The following PCDH15 variants were observed in gnomAD, a reference collection of about 807,000 sequenced individuals.
PCDH15 encodes the protein protocadherin-15.
PCDH15 carries 129 observed loss-of-function variants against 178.5 expected under a neutral mutation model. That is an observed-to-expected ratio of 0.72 (90% CI 0.63 to 0.84). The LOEUF is 0.84. PCDH15 is among the 40% of genes least tolerant of loss of function. The pLI is 0.00. For missense variants in PCDH15, 2,230 were observed against 2,099.9 expected (o/e 1.06, Z -1.21); for synonymous variants, 800 against 732.0 (o/e 1.09, Z -1.50).
At chr10:54,182,015 T>A (rs1248910443) in intron 13 of PCDH15, among the ~76,000 whole-genome samples, 1 of 151,204 alleles carries the variant, frequency 6.6e-6, no homozygotes, top group African/African-American at 2.4e-5. Context: ...TGGAGTGCAG[T>A]GGCGCCATCT....
intron 3 of PCDH15, among the ~76,000 whole-genome samples, chr10:54,807,495 G>T (rs1396487885): frequency 6.6e-6 from 1 of 151,658 alleles, no homozygotes; most frequent in African/African-American, 2.4e-5. Context: ...ACTATACATT[G>T]TACTTTTTGT....
chr10:54,221,236 A>T (rs114964861), intron 9 of PCDH15, among the ~76,000 whole-genome samples: 2,650 of 152,246 alleles, frequency 0.017, 57 homozygotes, highest in African/African-American at 0.055. Flanking sequence ...CATTTATTTT[A>T]ATTTTTATAT....
rs566062121 is a variant in PCDH15 at position 54,220,723 on chromosome 10, G to A, written c.986-6675C>T. ...GCCTGTAGTCCTAGCTACTCCGGAG[G>A]CTGACGCAGGAGAATGGAGTGAACC... On this transcript the variant is annotated intron_variant, in intron 9 of 37. Transcript: ENST00000644397. Among the ~76,000 whole-genome samples, 5 of 152,058 alleles carry A rather than the reference G, an allele frequency of 3.3e-5. No homozygotes were observed. In the South Asian group the frequency reaches 8.3e-4, roughly 25 times the overall value.
chr10:55,568,085 T>C (rs1471207410), intron 2 of PCDH15, among the ~76,000 whole-genome samples: 2 of 151,996 alleles, frequency 1.3e-5, no homozygotes, highest in African/African-American at 4.8e-5. Flanking sequence ...ACCCAATAGT[T>C]TCTTAAATAT....
At chr10:54,893,423 T>C (rs1954497528) in intron 3 of PCDH15, among the ~76,000 whole-genome samples, 1 of 152,084 alleles carries the variant, frequency 6.6e-6, no homozygotes, top group Admixed American at 6.6e-5. Flanking sequence ...ATATATTTAA[T>C]CTGTAAATTA....
At chr10:55,288,916 G>C (rs1295875122) in intron 1 of PCDH15, among the ~76,000 whole-genome samples, 1 of 150,530 alleles carries the variant, frequency 6.6e-6, no homozygotes, top group African/African-American at 2.5e-5. Flanking sequence ...GGATTATACA[G>C]TAATTCTATT....
In PCDH15 at chr10:55,590,324, AG is replaced by A. The variant is rs1228625190; in HGVS notation, c.-156+37300del. ...TCTGGGGACTGTTGTGGGGTGGGGGAGGGGGGAGGGATAGCATTAGGAGATA... is the reference window on the plus strand; with the variant it reads ...TCTGGGGACTGTTGTGGGGTGGGGGAGGGGGAGGGATAGCATTAGGAGATA... On this transcript the variant is annotated intron_variant, in intron 2 of 5. Transcript: ENST00000613346. 1.4e-3 allele frequency among the ~76,000 whole-genome samples: 74 copies of A among 51,930 alleles called. 2 individuals are homozygous for A. In the East Asian group the frequency reaches 0.041, roughly 29 times the overall value. 34.1% of individuals were successfully genotyped at this position (51,930 alleles called of 152,430 possible).
intron 2 of PCDH15, among the ~76,000 whole-genome samples, chr10:54,585,863 G>C (rs553014064): frequency 6.6e-6 from 1 of 152,214 alleles, no homozygotes; most frequent in African/African-American, 2.4e-5. Flanking sequence ...CCTTTCCTGT[G>C]GGTAGGGCAC....
chr10:55,554,545 C>T (rs1189384122), intron 2 of PCDH15, among the ~76,000 whole-genome samples: 1 of 151,984 alleles, frequency 6.6e-6, no homozygotes, highest in Non-Finnish European at 1.5e-5. Flanking sequence ...AGGGTCACTC[C>T]TATGAAGACA....
At chr10:55,283,609 C>T (rs545014464) in intron 1 of PCDH15, among the ~76,000 whole-genome samples, 1 of 151,294 alleles carries the variant, frequency 6.6e-6, no homozygotes, top group African/African-American at 2.4e-5. Flanking sequence ...TTCCTCCATT[C>T]TTGCCCACCT....
chr10:55,458,191 T>G lies in PCDH15; in HGVS notation c.-156+169434A>C, dbSNP rs556966771. ...CTTTTAAACATATAAGATAAACTTT[T>G]AAATGGTTTGATTACAAACTCTAAA... On this transcript the variant is annotated intron_variant, in intron 2 of 5. Coordinates refer to the PCDH15 transcript ENST00000613346. Among the ~76,000 whole-genome samples the G allele has an allele frequency of 2.4e-4, 37 of 152,186 alleles. No homozygotes were observed. The South Asian group carries it at 7.0e-3, about 29-fold the overall frequency.
At chr10:54,189,267 T>C (rs2048749797) in intron 11 of PCDH15, 1 of 878,912 alleles carries the variant, frequency 1.1e-6, no homozygotes, top group Non-Finnish European at 1.8e-6. Flanking sequence ...GATAATGAAG[T>C]AATACCTACG....
At chr10:54,354,149 C>T (rs1291308051) in intron 5 of PCDH15, among the ~76,000 whole-genome samples, 1 of 152,090 alleles carries the variant, frequency 6.6e-6, no homozygotes, top group Non-Finnish European at 1.5e-5. Context: ...CCACGCCTGG[C>T]TAATTTTGTG....
intron 2 of PCDH15, among the ~76,000 whole-genome samples, chr10:55,501,588 TAA>T (rs999897431): frequency 6.6e-6 from 1 of 151,698 alleles, no homozygotes; most frequent in Non-Finnish European, 1.5e-5. Flanking sequence ...TTTTAGAAAA[TAA>T]AAGTTATTTT....
At chr10:54,259,397 G>A (rs1363381823) in intron 8 of PCDH15, among the ~76,000 whole-genome samples, 1 of 152,156 alleles carries the variant, frequency 6.6e-6, no homozygotes, top group African/African-American at 2.4e-5. Context: ...GTATAAAACA[G>A]TCTACGTGAG....
chr10:54,544,577 A>G (rs996170786), intron 2 of PCDH15, among the ~76,000 whole-genome samples: 3 of 152,146 alleles, frequency 2.0e-5, no homozygotes, highest in African/African-American at 4.8e-5. Context: ...TCCATATTTA[A>G]TTTAATTGTG....
intron 2 of PCDH15, among the ~76,000 whole-genome samples, chr10:54,652,480 T>C (rs1412876122): frequency 6.6e-6 from 1 of 152,214 alleles, no homozygotes; most frequent in Non-Finnish European, 1.5e-5. Flanking sequence ...CTGGAATCTA[T>C]CTCTATTTCA....
At chr10:54,775,856 A>G (rs1266957536) in intron 1 of PCDH15, among the ~76,000 whole-genome samples, 1 of 152,198 alleles carries the variant, frequency 6.6e-6, no homozygotes, top group Non-Finnish European at 1.5e-5. Flanking sequence ...ACTGCACTCC[A>G]GCCTGGGCGA....
chr10:54,451,722 A>G (rs1589476931), intron 3 of PCDH15, among the ~76,000 whole-genome samples: 2 of 152,086 alleles, frequency 1.3e-5, no homozygotes, highest in Admixed American at 1.3e-4. Context: ...CAAATATATT[A>G]CTTAGATAGT....
Sources: allele counts gnomAD v4.1 joint callset (sites outside exome capture counted in the v4.1 genomes callset), GRCh38; gene constraint gnomAD v4.1.1; transcripts MANE v1.5; gene names NCBI Gene and HGNC (gene_info 2026-07-23, HGNC 2026-07-21).